The following KYAT1 variants were observed in gnomAD, a reference collection of about 807,000 sequenced individuals.
KYAT1 encodes kynurenine aminotransferase 1, also known as kynurenine--oxoglutarate transaminase 1.
Under a neutral mutation model 52.4 loss-of-function variants are expected in KYAT1, and 47 were observed. The observed-to-expected ratio is 0.90, with a 90% CI of 0.71 to 1.14. The LOEUF (loss-of-function observed/expected upper bound fraction) is 1.14, where lower values mean the gene tolerates loss of function less well. Among genes scored for constraint, KYAT1 ranks in the 50% most tolerant of loss-of-function variants. The pLI, the probability that KYAT1 is intolerant of heterozygous loss-of-function variation, is 0.00. For synonymous variants in KYAT1, 212 were observed against 209.6 expected (o/e 1.01, Z -0.10); for missense variants, 480 against 557.9 (o/e 0.86, Z 1.41).
In KYAT1 at chr9:128,833,320, G is replaced by GCAAC; in HGVS notation, c.*260_*263dup. ...TCAGCCAAGCCTGGAGAGACCAGAA[G>GCAAC]CAACACAAGACCCTACAAACCCACC... On this transcript the variant is annotated 3_prime_UTR_variant, in exon 13 of 13. Transcript: ENST00000302586. 1.7e-6 allele frequency: 1 copy of GCAAC among 583,152 alleles called. No homozygotes were observed. Among genetic ancestry groups the GCAAC allele is most frequent in the Non-Finnish European group, 3.1e-6 (1 of 327,524 alleles). The allele number at this position is 583,152 out of a possible 1,614,324, so 36.1% of individuals were successfully genotyped here. A position where few individuals can be genotyped will look rare whatever the true frequency, so the allele number is the denominator to read the frequency against.
intron 3 of KYAT1, among the ~76,000 whole-genome samples, chr9:128,839,792 C>T (rs1264639104): frequency 1.3e-5 from 2 of 152,240 alleles, no homozygotes; most frequent in South Asian, 2.1e-4. Flanking sequence ...GTGGCTCACG[C>T]CTGTAATCCT....
upstream of KYAT1, chr9:128,882,459 C>T (rs1478118980): frequency 8.2e-6 from 3 of 364,220 alleles, no homozygotes; most frequent in Non-Finnish European, 1.5e-5. Flanking sequence ...CTCGCCGGCT[C>T]CGCGGCGCGC....
intron 1 of KYAT1, among the ~76,000 whole-genome samples, chr9:128,858,589 T>C (rs948213420): frequency 1.4e-4 from 21 of 150,660 alleles, no homozygotes; most frequent in African/African-American, 4.4e-4. Flanking sequence ...TCCCAGCTAC[T>C]TGGAAGGCTG....
At chr9:128,836,107 T>G (rs1377475989) in intron 7 of KYAT1, 34 bp from the exon 8 acceptor site, 2 of 1,605,238 alleles carry the variant, frequency 1.2e-6, no homozygotes, top group Non-Finnish European at 1.7e-6. Context: ...CTGCTGAGAC[T>G]GGGGTGAGGG....
At chr9:128,859,283 C>A (rs1835116910) in intron 1 of KYAT1, among the ~76,000 whole-genome samples, 1 of 151,800 alleles carries the variant, frequency 6.6e-6, no homozygotes, top group South Asian at 2.1e-4. Flanking sequence ...ATGTCGTGAA[C>A]CCAGGAGGCT....
At chr9:128,869,794 C>T (rs1228177431) in intron 1 of KYAT1, among the ~76,000 whole-genome samples, 2 of 151,200 alleles carry the variant, frequency 1.3e-5, no homozygotes, top group Non-Finnish European at 2.9e-5. Flanking sequence ...CACTCTGTTG[C>T]CCAGGCTAGA....
At chr9:128,842,572 C>T in intron 3 of KYAT1, 82 bp downstream of exon 3, 1 of 1,413,014 alleles carries the variant, frequency 7.1e-7, no homozygotes. Context: ...CCCCTGAAGC[C>T]TGACAGCTGT....
At chr9:128,848,820 CAA>C (rs746737161) in intron 1 of KYAT1, among the ~76,000 whole-genome samples, 18 of 57,028 alleles carry the variant, frequency 3.2e-4, no homozygotes, top group Non-Finnish European at 2.5e-4. Context: ...GACTCTGTCT[CAA>C]AAAAAAAAAA....
At chr9:128,848,424 A>G (rs1450953797) in intron 1 of KYAT1, among the ~76,000 whole-genome samples, 1 of 152,194 alleles carries the variant, frequency 6.6e-6, no homozygotes, top group African/African-American at 2.4e-5. Context: ...AGGAACCAAG[A>G]AAGTGTGATA....
In KYAT1 at chr9:128,835,558, C is replaced by T. The variant is rs200677798; in HGVS notation, c.965G>A (p.Arg322His). Residue 322 changes from arginine (R) to histidine (H), a missense_variant, in exon 10 of 13, where the codon CGT becomes CAT. Transcript: ENST00000302586. ...CTTCAGGCCCACTGACTGTAGGCTA[C>T]GTATCATGTGGTCACGGCAGCGCTG... ...AMQRCRDHMIRSLQSVGLKPI... is the reference protein window; with the variant it reads ...AMQRCRDHMIHSLQSVGLKPI... 5.7e-5 allele frequency: 92 copies of T among 1,613,598 alleles called. 1 individual carries two copies. The highest frequency in any genetic ancestry group is 9.3e-5 in the African/African-American group (7 of 75,056).
chr9:128,873,505 C>CA (rs1414203501), intron 1 of KYAT1, among the ~76,000 whole-genome samples: 6 of 152,058 alleles, frequency 3.9e-5, no homozygotes, highest in African/African-American at 1.4e-4. Context: ...CGCGATGGCT[C>CA]ACTCCTGTAA....
At chr9:128,870,371 G>A (rs547517100) in intron 1 of KYAT1, among the ~76,000 whole-genome samples, 9 of 152,182 alleles carry the variant, frequency 5.9e-5, no homozygotes, top group Non-Finnish European at 1.3e-4. Flanking sequence ...GTGAGGCCAG[G>A]GCGACATGGC....
At chr9:128,877,453 A>G (rs968515967) in intron 1 of KYAT1, among the ~76,000 whole-genome samples, 3 of 152,214 alleles carry the variant, frequency 2.0e-5, no homozygotes, top group Admixed American at 2.0e-4. Context: ...TATTTTGCTC[A>G]AAAGGAGAAC....
chr9:128,836,791 G>T lies in KYAT1; in HGVS notation c.688+11C>A. The T allele has an allele frequency of 6.2e-7, 1 of 1,612,032 alleles. No homozygotes were observed. Among genetic ancestry groups the T allele is most frequent in the South Asian group, 1.1e-5 (1 of 90,922 alleles). ...TGTGCAGGGGAGGGGCCCCAGGCTG[G>T]CTTGGCTCACCAATGCTGATGTGCT... On this transcript the variant is annotated intron_variant, in intron 7 of 12. Transcript: ENST00000302586.
chr9:128,867,743 C>A (rs1836606285), intron 1 of KYAT1, among the ~76,000 whole-genome samples: 1 of 152,140 alleles, frequency 6.6e-6, no homozygotes, highest in African/African-American at 2.4e-5. Flanking sequence ...GTGAAAAATG[C>A]AGGTTGATTT....
At chr9:128,867,554 C>T (rs1445700333) in intron 1 of KYAT1, among the ~76,000 whole-genome samples, 1 of 152,122 alleles carries the variant, frequency 6.6e-6, no homozygotes, top group Admixed American at 6.6e-5. Context: ...CAGCACTCAG[C>T]ATGAGAGAAA....
chr9:128,867,550 T>C lies in KYAT1; in HGVS notation c.-7+14347A>G, dbSNP rs180699545. ...TACACTTGGATGATTAACGCAGCAC[T>C]CAGCATGAGAGAAAAAAACTGGAGG... On this transcript the variant is annotated intron_variant, in intron 1 of 12. Coordinates refer to ENST00000302586, the MANE Select transcript of KYAT1 (RefSeq NM_004059.5). Among the ~76,000 whole-genome samples the C allele has an allele frequency of 6.0e-4, 91 of 152,230 alleles. 1 individual carries two copies. The highest frequency in any genetic ancestry group is 3.9e-3 in the East Asian group (20 of 5,176).
chr9:128,873,074 T>TAAAAAA (rs549497155), intron 1 of KYAT1, among the ~76,000 whole-genome samples: 2 of 118,722 alleles, frequency 1.7e-5, no homozygotes, highest in Non-Finnish European at 3.6e-5. Context: ...AGACTCCATT[T>TAAAAAA]AAAAAAAAAA....
rs766267199 is a variant in KYAT1, at chr9:128,872,128, C to CAA, written c.-7+9767_-7+9768dup. Among the ~76,000 whole-genome samples, 51 of 57,204 alleles carry CAA rather than the reference C, an allele frequency of 8.9e-4. 1 individual carries two copies. The highest frequency in any genetic ancestry group is 2.5e-3 in the African/African-American group (39 of 15,350). The allele number at this position is 57,204 out of a possible 152,430, so 37.5% of individuals were successfully genotyped here. A position where few individuals can be genotyped will look rare whatever the true frequency, so the allele number is the denominator to read the frequency against. Reference sequence around the variant, plus strand: ...GGGCAACAAGAGCGAAACTCTGTCTCAAAAAAAAAAAAAAAAAAAAGACCA... The same window carrying CAA: ...GGGCAACAAGAGCGAAACTCTGTCTCAAAAAAAAAAAAAAAAAAAAAAGACCA... On this transcript the variant is annotated intron_variant, in intron 1 of 12. Coordinates refer to ENST00000302586, the MANE Select transcript of KYAT1 (RefSeq NM_004059.5).
Sources: allele counts gnomAD v4.1 joint callset (sites outside exome capture counted in the v4.1 genomes callset), GRCh38; gene constraint gnomAD v4.1.1; transcripts MANE v1.5; gene names NCBI Gene and HGNC (gene_info 2026-07-23, HGNC 2026-07-21).